IPO11: variants seen among roughly 807,000 people sequenced by gnomAD.
IPO11 encodes importin-11.
In IPO11, 66 loss-of-function variants were observed where a neutral mutation model predicts 143.2. The ratio of observed to expected loss-of-function variants is 0.46; its 90% CI spans 0.38 to 0.57. The LOEUF (loss-of-function observed/expected upper bound fraction) is 0.57, where lower values mean the gene tolerates loss of function less well. Among genes scored for constraint, IPO11 ranks in the 20% least tolerant of loss-of-function variants. The probability of loss-of-function intolerance (pLI) is 0.00; values close to 1 mark genes in which losing one functional copy is unlikely to be tolerated. For missense variants in IPO11, 1,026 were observed against 1,141.0 expected (o/e 0.90, Z 1.45); for synonymous variants, 385 against 377.8 (o/e 1.02, Z -0.22).
At chr5:62,597,253 G>A (rs962945589) in intron 28 of IPO11, among the ~76,000 whole-genome samples, 1 of 151,814 alleles carries the variant, frequency 6.6e-6, no homozygotes, top group African/African-American at 2.4e-5. Flanking sequence ...CTAATTACCA[G>A]GATAAAAAAA....
At chr5:62,563,527 A>G (rs564045234) in intron 27 of IPO11, among the ~76,000 whole-genome samples, 30 of 152,296 alleles carry the variant, frequency 2.0e-4, no homozygotes, top group Admixed American at 7.2e-4. Flanking sequence ...AGTTGTGGAA[A>G]TTTAATATAG....
At chr5:62,444,888 A>G (rs1488514507) in intron 3 of IPO11, among the ~76,000 whole-genome samples, 1 of 150,230 alleles carries the variant, frequency 6.7e-6, no homozygotes, top group Non-Finnish European at 1.5e-5. Context: ...AGAGAGAGAC[A>G]TATATATATG....
In IPO11 at chr5:62,427,062, C is replaced by T. The variant is rs1477663569; in HGVS notation, c.-6-10212C>T. On this transcript the variant is annotated intron_variant, in intron 1 of 29. Coordinates refer to ENST00000325324, the MANE Select transcript of IPO11 (RefSeq NM_016338.5). ...AAGCGATTCTCCTGCCTTAGCCTCC[C>T]GAGTAGCTGGGATTACAGGCGCCCG... 7.3e-5 allele frequency among the ~76,000 whole-genome samples: 11 copies of T among 150,936 alleles called. 1 individual carries two copies. Among genetic ancestry groups the T allele is most frequent in the South Asian group, 4.2e-4 (2 of 4,776 alleles).
chr5:62,458,423 C>T (rs1325022313), intron 5 of IPO11, among the ~76,000 whole-genome samples: 2 of 152,064 alleles, frequency 1.3e-5, no homozygotes, highest in African/African-American at 2.4e-5. Context: ...GCCTCAGCCT[C>T]CTGAGTAGCT....
chr5:62,464,286 G>A (rs1444830792), intron 5 of IPO11, among the ~76,000 whole-genome samples: 1 of 151,134 alleles, frequency 6.6e-6, no homozygotes, highest in East Asian at 2.0e-4. Context: ...GACTACAGAC[G>A]TGTACCACCA....
intron 19 of IPO11, among the ~76,000 whole-genome samples, chr5:62,513,546 C>A (rs537586142): frequency 1.4e-5 from 2 of 145,698 alleles, no homozygotes; most frequent in African/African-American, 5.1e-5. Context: ...GGGGGCTGAG[C>A]CCCCCACCTC....
At chr5:62,430,100 T>C (rs168847) in intron 1 of IPO11, among the ~76,000 whole-genome samples, 28,210 of 152,180 alleles carry the variant, frequency 0.19, 3,371 homozygotes, top group Middle Eastern at 0.27. Context: ...GATGGATATT[T>C]GAGTTGTCAG....
intron 24 of IPO11, among the ~76,000 whole-genome samples, chr5:62,544,297 A>G (rs1256042170): frequency 2.0e-5 from 3 of 152,192 alleles, no homozygotes; most frequent in Admixed American, 2.0e-4. Context: ...GGCTGGTTCA[A>G]CATACACAAA....
At chr5:62,544,793 T>C (rs989504820) in intron 24 of IPO11, among the ~76,000 whole-genome samples, 1 of 152,226 alleles carries the variant, frequency 6.6e-6, no homozygotes. Context: ...CACAAGCATT[T>C]TTATACACCA....
chr5:62,464,888 GTT>G (rs1355165617), intron 5 of IPO11, among the ~76,000 whole-genome samples: 1 of 152,212 alleles, frequency 6.6e-6, no homozygotes, highest in Non-Finnish European at 1.5e-5. Context: ...TTAACAGGTA[GTT>G]TTAAGGAGAT....
At position 62,515,381 on chromosome 5, in the gene IPO11, GT is replaced by G; in HGVS notation, c.1783-6del. The G allele has an allele frequency of 6.3e-7, 1 of 1,581,876 alleles. No individual in the cohort carries two copies. Among genetic ancestry groups the G allele is most frequent in the Non-Finnish European group, 8.6e-7 (1 of 1,167,086 alleles). The stretch of plus-strand genomic sequence containing the variant: ...TTTTGTTGTTTCCTCTACTTATATT[GT>G]AATAGATACGACCATATGTGGGATG... On this transcript the variant is annotated splice_polypyrimidine_tract_variant and splice_region_variant and intron_variant, in intron 19 of 29. Transcript: ENST00000325324.
At chr5:62,415,457 G>A (rs568738749) in intron 1 of IPO11, among the ~76,000 whole-genome samples, 277 of 129,834 alleles carry the variant, frequency 2.1e-3, no homozygotes, top group African/African-American at 7.6e-3. Context: ...GCCCGGCCCC[G>A]TCTTTACTTT....
rs150547078 is a variant in IPO11 at position 62,522,868 on chromosome 5, T to G, written c.1897-3274T>G. Among the ~76,000 whole-genome samples, 80 of 152,340 alleles carry G rather than the reference T, an allele frequency of 5.3e-4. 1 individual carries two copies. The East Asian group carries it at 0.015, about 28-fold the overall frequency. ...CTCCTTATGTATCTGGATGAGATCT[T>G]GGCATCAAACTGCTTTCTAAACATT... On this transcript the variant is annotated intron_variant, in intron 20 of 29. Transcript: ENST00000325324.
intron 18 of IPO11, among the ~76,000 whole-genome samples, 178 bp downstream of exon 18, chr5:62,505,076 T>G (rs1018557675): frequency 3.3e-5 from 5 of 152,204 alleles, no homozygotes; most frequent in Admixed American, 6.5e-5. Flanking sequence ...TTGGTAACTT[T>G]TATTGCTAAC....
intron 3 of IPO11, among the ~76,000 whole-genome samples, chr5:62,448,975 T>G (rs983409111): frequency 6.6e-6 from 1 of 152,222 alleles, no homozygotes; most frequent in Non-Finnish European, 1.5e-5. Context: ...TTAATTTAAT[T>G]CTGATACCCA....
At chr5:62,553,154 C>A (rs1460276863) in intron 26 of IPO11, among the ~76,000 whole-genome samples, 1 of 152,146 alleles carries the variant, frequency 6.6e-6, no homozygotes, top group East Asian at 1.9e-4. Flanking sequence ...ATTCTACTTT[C>A]TGCTTCTTTG....
chr5:62,493,078 A>G (rs1178806445), intron 15 of IPO11, among the ~76,000 whole-genome samples: 3 of 152,184 alleles, frequency 2.0e-5, no homozygotes, highest in African/African-American at 7.2e-5. Context: ...AGATGATGAG[A>G]GAAAGAAAGA....
At chr5:62,494,156 T>G (rs747748568) in intron 16 of IPO11, 32 bp downstream of exon 16, 3 of 1,575,130 alleles carry the variant, frequency 1.9e-6, no homozygotes, top group Non-Finnish European at 1.7e-6. Context: ...AAAGAGTTAG[T>G]TTTTAAAGTT....
chr5:62,585,479 GATAGCCTGTGA>G (rs1744739141), intron 27 of IPO11, among the ~76,000 whole-genome samples: 2 of 152,154 alleles, frequency 1.3e-5, no homozygotes, highest in Non-Finnish European at 2.9e-5. Flanking sequence ...GTTAATCAAA[GATAGCCTGTGA>G]AGGTGGAGAA....
Sources: gnomAD v4.1 joint callset for allele counts (sites outside exome capture counted in the v4.1 genomes callset) on GRCh38, gnomAD v4.1.1 for gene constraint, MANE v1.5 for transcripts, NCBI Gene and HGNC (gene_info 2026-07-23, HGNC 2026-07-21) for gene names.